The following STIL variants were observed in gnomAD, a reference collection of about 807,000 sequenced individuals.
The protein encoded by STIL is STIL centriolar assembly protein, also known as SCL-interrupting locus protein.
A neutral mutation model predicts 110.1 loss-of-function variants in STIL; 55 were observed. The observed-to-expected ratio is 0.50, with a 90% CI of 0.40 to 0.63. The LOEUF (loss-of-function observed/expected upper bound fraction) is 0.63, where lower values mean the gene tolerates loss of function less well. Among genes scored for constraint, STIL ranks in the 20% least tolerant of loss-of-function variants. STIL has a pLI of 0.00. For missense variants in STIL, 1,358 were observed against 1,530.0 expected, an observed-to-expected ratio of 0.89 and a Z score of 1.87; for synonymous variants, 481 against 530.0, an observed-to-expected ratio of 0.91 and a Z score of 1.27.
At chr1:47,306,495 CT>C (rs753313377) in intron 2 of STIL, among the ~76,000 whole-genome samples, 12 of 152,212 alleles carry the variant, frequency 7.9e-5, no homozygotes, top group Non-Finnish European at 1.6e-4. Context: ...TTTAAGCAAT[CT>C]TCCCACCTTG....
intron 14 of STIL, among the ~76,000 whole-genome samples, chr1:47,269,065 T>C (rs1022169742): frequency 6.8e-6 from 1 of 146,852 alleles, no homozygotes; most frequent in Non-Finnish European, 1.5e-5. Context: ...CACTCCAGCC[T>C]GGGCAACAGA....
intron 12 of STIL, among the ~76,000 whole-genome samples, chr1:47,278,280 C>T (rs772229753): frequency 1.3e-5 from 2 of 151,894 alleles, no homozygotes; most frequent in Admixed American, 6.6e-5. Flanking sequence ...ATGATAGAAA[C>T]CCATGCAGGG....
At chr1:47,289,650 C>A in intron 8 of STIL, 65 bp from the exon 9 acceptor site, 1 of 1,420,226 alleles carries the variant, frequency 7.0e-7, no homozygotes, top group Non-Finnish European at 9.9e-7. Flanking sequence ...CAAATAACTT[C>A]ATGTGAGTCT....
Position 47,282,571 on chromosome 1 carries a change from T to A in STIL, c.1134-112A>T, listed in dbSNP as rs138284100. The A allele has an allele frequency of 1.5e-3, 1,005 of 692,052 alleles. 21 individuals carry two copies. In the East Asian group the frequency reaches 0.027, roughly 18 times the overall value. 42.9% of individuals were successfully genotyped at this position (692,052 alleles called of 1,614,324 possible). ...TTGCAGTAGTACTCAGATCATTTAA[T>A]TTAGTATCTGACAACCACAAATTAT... is the stretch of plus-strand genomic sequence containing the variant. On this transcript the variant is annotated intron_variant, in intron 10 of 16. Transcript: ENST00000371877.
chr1:47,287,183 C>T (rs1416892398), intron 10 of STIL, among the ~76,000 whole-genome samples: 7 of 151,954 alleles, frequency 4.6e-5, no homozygotes, highest in East Asian at 3.9e-4. Context: ...GCCAATACAG[C>T]GAGACCCCAC....
chr1:47,290,820 A>G lies in STIL; in HGVS notation c.873-1235T>C, dbSNP rs79943094. On this transcript the variant is annotated intron_variant, in intron 8 of 16. Transcript: ENST00000371877. ...TGGAAAAGTTTATTTTTCATCTATC[A>G]GGTTAGCAGAGGTCAAAAGTTTAAC... is the stretch of plus-strand genomic sequence containing the variant. Among the ~76,000 whole-genome samples, 794 of 152,326 alleles carry G rather than the reference A, an allele frequency of 5.2e-3. 2 individuals are homozygous for G. The highest frequency in any genetic ancestry group is 0.03 in the East Asian group (157 of 5,192).
At chr1:47,261,299 A>T (rs758186674) in intron 15 of STIL, among the ~76,000 whole-genome samples, 2 of 151,574 alleles carry the variant, frequency 1.3e-5, no homozygotes, top group Non-Finnish European at 1.5e-5. Flanking sequence ...GAGGCATGAG[A>T]ATCACTTGAA....
Position 47,280,954 on chromosome 1 carries a change from G to A in STIL, c.1504C>T (p.His502Tyr), listed in dbSNP as rs1645141938. The change falls in exon 12 of 17, where the codon CAC (histidine) becomes TAC (tyrosine). Residue 502 changes from histidine (H) to tyrosine (Y), a missense_variant. Physicochemically the swap from His to Tyr is moderately conservative, Grantham distance 83 (BLOSUM62 2). Transcript: ENST00000371877. The part of the protein sequence containing the change: ...LNQDKPALLR[H>Y]CKVRQPPAYK... ...GCAGGTGGCTGTCTTACTTTGCAGT[G>A]TCTCAAAAGAGCTGGTTTATCCTGG... 1 of 1,614,004 alleles carries A rather than the reference G, an allele frequency of 6.2e-7. No individual in the cohort carries two copies. Among genetic ancestry groups the A allele is most frequent in the Non-Finnish European group, 8.5e-7 (1 of 1,179,990 alleles).
Position 47,269,599 on chromosome 1 carries a change from A to G in STIL, c.2615+36T>C, listed in dbSNP as rs781037130. 4 of 1,592,448 alleles carry G rather than the reference A, an allele frequency of 2.5e-6. No homozygotes were observed. The South Asian group carries it at 3.4e-5, about 14-fold the overall frequency. On this transcript the variant is annotated intron_variant, in intron 14 of 16. Transcript: ENST00000371877. ...TGTCTATCAAAAAAAATTTTTTTTG[A>G]AAGTAGGATGAAAGACTAAATCAAA...
In STIL at chr1:47,295,822, T is replaced by C; in HGVS notation, c.728A>G (p.Lys243Arg). ...YGYLTMDETR[K>R]LLLLLESDPK... ...ATCAGATTCCAACAAAAGTAACAAT[T>C]TGCGTGTTTCATCCATGGTAAGATA... The change falls in exon 7 of 17, where the codon AAA (lysine) becomes AGA (arginine). Residue 243 changes from lysine (K) to arginine (R), a missense_variant. Lys to Arg is a conservative substitution (Grantham distance 26). Transcript: ENST00000371877. 1 of 1,612,928 alleles carries C rather than the reference T, an allele frequency of 6.2e-7. No homozygotes were observed. The highest frequency in any genetic ancestry group is 8.5e-7 in the Non-Finnish European group (1 of 1,179,240).
At chr1:47,269,243 T>C (rs1644749134) in intron 14 of STIL, among the ~76,000 whole-genome samples, 1 of 152,166 alleles carries the variant, frequency 6.6e-6, no homozygotes, top group Non-Finnish European at 1.5e-5. Context: ...CATCTGGAAA[T>C]GGTTCTAGAA....
intron 9 of STIL, among the ~76,000 whole-genome samples, chr1:47,288,544 A>G (rs1290944590): frequency 2.0e-5 from 3 of 151,566 alleles, no homozygotes; most frequent in African/African-American, 7.3e-5. Flanking sequence ...TGATCCGCCC[A>G]CCTCGGCCTC....
intron 8 of STIL, among the ~76,000 whole-genome samples, chr1:47,292,588 G>A (rs1458665277): frequency 6.6e-6 from 1 of 152,036 alleles, no homozygotes; most frequent in East Asian, 1.9e-4. Context: ...TGATCTCCAA[G>A]GTATAATTTA....
chr1:47,287,859 G>A lies in STIL; in HGVS notation c.1024-199C>T, dbSNP rs531845890. Among the ~76,000 whole-genome samples, 3 of 152,034 alleles carry A rather than the reference G, an allele frequency of 2.0e-5. No individual in the cohort carries two copies. In the East Asian group the frequency reaches 5.8e-4, roughly 29 times the overall value. On this transcript the variant is annotated intron_variant, in intron 9 of 16. Transcript: ENST00000371877. ...CACTTGTGTTATAATCACAGATTCAGTGAATATAACTATGAAATGAGAATA... is the reference window on the plus strand; with the variant it reads ...CACTTGTGTTATAATCACAGATTCAATGAATATAACTATGAAATGAGAATA...
At position 47,260,396 on chromosome 1, in the gene STIL, G is replaced by A; in HGVS notation, c.2973C>T (p.Asp991=). 6.2e-7 allele frequency: 1 copy of A among 1,614,102 alleles called. No homozygotes were observed. Among genetic ancestry groups the A allele is most frequent in the Non-Finnish European group, 8.5e-7 (1 of 1,180,024 alleles). ...KKKTHHSRLV[D]KDCVLNATLK... The stretch of plus-strand genomic sequence containing the variant: ...GAGTTGCATTAAGGACACAATCTTT[G>A]TCCACCAGTCTTGAATGATGTGTTT... The change falls in exon 16 of 17, where the codon GAC becomes GAT. Residue 991 remains aspartate, a synonymous_variant. Coordinates refer to ENST00000371877, the MANE Select transcript of STIL (RefSeq NM_001048166.1).
intron 14 of STIL, among the ~76,000 whole-genome samples, chr1:47,268,361 C>A (rs1263635682): frequency 6.6e-6 from 1 of 151,740 alleles, no homozygotes; most frequent in African/African-American, 2.4e-5. Flanking sequence ...CTCAAGAATG[C>A]CTTGAACCTG....
At chr1:47,293,604 A>C (rs1645557435) in intron 7 of STIL, 60 bp from the exon 8 acceptor site, 4 of 1,354,706 alleles carry the variant, frequency 3.0e-6, no homozygotes, top group Non-Finnish European at 4.2e-6. Context: ...CATAATTTAC[A>C]TTCTTCCTAA....
Position 47,310,470 on chromosome 1 carries a change from T to G in STIL, c.-43-108A>C, listed in dbSNP as rs182097400. The stretch of plus-strand genomic sequence containing the variant: ...GCAAAATTAGATTACTTATATGAAG[T>G]GTGACTATAGATTAATAAGATTAAA... On this transcript the variant is annotated intron_variant, in intron 1 of 16. Coordinates refer to ENST00000371877, the MANE Select transcript of STIL (RefSeq NM_001048166.1). 20 of 655,934 alleles carry G rather than the reference T, an allele frequency of 3.0e-5. No individual in the cohort carries two copies. In the East Asian group the frequency reaches 5.8e-4, roughly 19 times the overall value. 40.6% of individuals were successfully genotyped at this position (655,934 alleles called of 1,614,324 possible).
chr1:47,251,945 C>T (rs767308179), intron 16 of STIL, 23 bp from the exon 17 acceptor site: 2 of 1,603,708 alleles, frequency 1.2e-6, no homozygotes, highest in Non-Finnish European at 1.7e-6. Context: ...AAGTAGTAAG[C>T]CATCATTTAC....
Sources: gnomAD v4.1 joint callset for allele counts (sites outside exome capture counted in the v4.1 genomes callset) on GRCh38, gnomAD v4.1.1 for gene constraint, MANE v1.5 for transcripts, NCBI Gene and HGNC (gene_info 2026-07-23, HGNC 2026-07-21) for gene names.